Variants in GRID2IP observed in about 807,000 individuals in gnomAD.
GRID2IP encodes the protein Grid2 interacting protein, also known as delphilin.
GRID2IP carries 78 observed loss-of-function variants against 114.3 expected under a neutral mutation model. The ratio of observed to expected loss-of-function variants is 0.68; its 90% CI spans 0.57 to 0.82. GRID2IP has a LOEUF of 0.82. GRID2IP is among the 40% of genes least tolerant of loss of function. GRID2IP has a pLI of 0.00. For missense variants in GRID2IP, 1,727 were observed against 1,678.5 expected, an observed-to-expected ratio of 1.03 and a Z score of -0.51; for synonymous variants, 809 against 724.0, an observed-to-expected ratio of 1.12 and a Z score of -1.89.
Position 6,502,889 on chromosome 7 carries a change from G to A in GRID2IP, c.3064-17C>T. On this transcript the variant is annotated splice_polypyrimidine_tract_variant and intron_variant, in intron 17 of 21. Coordinates refer to ENST00000457091, the MANE Select transcript of GRID2IP (RefSeq NM_001145118.2). ...CAACACAAACTGTGGACAAGAAGGT[G>A]GGTAGGTCCTGTCCTCACCCCACCA... 1 of 1,548,252 alleles carries A rather than the reference G, an allele frequency of 6.5e-7. No individual in the cohort carries two copies. Among genetic ancestry groups the A allele is most frequent in the African/African-American group, 1.4e-5 (1 of 73,072 alleles).
chr7:6,503,941 G>T (rs1562511405), intron 15 of GRID2IP, among the ~76,000 whole-genome samples: 2 of 151,806 alleles, frequency 1.3e-5, no homozygotes, highest in Non-Finnish European at 2.9e-5. Context: ...AGGAAAGGGG[G>T]CGGGGCCGCT....
Position 6,534,050 on chromosome 7 carries a change from C to T in GRID2IP, c.584+5668G>A, listed in dbSNP as rs1779682228. Among the ~76,000 whole-genome samples, 1 of 152,130 alleles carries T rather than the reference C, an allele frequency of 6.6e-6. No homozygotes were observed. The highest frequency in any genetic ancestry group is 2.1e-4 in the South Asian group (1 of 4,828). The stretch of plus-strand genomic sequence containing the variant: ...TCACAGGCCACCCTTAGATTCTCAA[C>T]TCACCTTTCCTGCTTTCAGTTGGCC... On this transcript the variant is annotated intron_variant, in intron 2 of 21. Coordinates refer to ENST00000457091, the MANE Select transcript of GRID2IP (RefSeq NM_001145118.2). The surrounding 1 kb of genome is among the most constrained non-coding windows in gnomAD (Gnocchi z 4.5).
At chr7:6,524,951 C>G (rs1779480853) in intron 4 of GRID2IP, among the ~76,000 whole-genome samples, 1 of 151,684 alleles carries the variant, frequency 6.6e-6, no homozygotes, top group African/African-American at 2.4e-5. Context: ...ATCTCCTGAC[C>G]TCGTGATCCA....
rs192102312 is a variant in GRID2IP, at chr7:6,525,311, A to G, written c.919+913T>C. 3.9e-5 allele frequency among the ~76,000 whole-genome samples: 6 copies of G among 152,090 alleles called. No individual in the cohort carries two copies. In the East Asian group the frequency reaches 9.8e-4, roughly 25 times the overall value. ...AACAAGAGCAAAACTCTGTCTCAAA[A>G]AATTAAATTAAATAAAATTTTAAAA... On this transcript the variant is annotated intron_variant, in intron 4 of 21. Transcript: ENST00000457091.
At position 6,536,316 on chromosome 7, in the gene GRID2IP, A is replaced by G. The variant is rs771302456; in HGVS notation, c.584+3402T>C. On this transcript the variant is annotated intron_variant, in intron 2 of 21. Coordinates refer to ENST00000457091, the MANE Select transcript of GRID2IP (RefSeq NM_001145118.2). The surrounding 1 kb of genome is among the most constrained non-coding windows in gnomAD (Gnocchi z 5.3). The stretch of plus-strand genomic sequence containing the variant: ...GGCGCACTTGACACGCGCTTACAGC[A>G]GAGGCTGCCGTTTCAAGCTGCGGGG... 6.6e-6 allele frequency among the ~76,000 whole-genome samples: 1 copy of G among 152,218 alleles called. No homozygotes were observed. The highest frequency in any genetic ancestry group is 2.4e-5 in the African/African-American group (1 of 41,474).
chr7:6,504,386 G>T (rs2115355624), intron 15 of GRID2IP, among the ~76,000 whole-genome samples: 1 of 151,636 alleles, frequency 6.6e-6, no homozygotes, highest in East Asian at 2.0e-4. Context: ...GCCTGCGAGG[G>T]GTGCCGTAGG....
Position 6,498,173 on chromosome 7 carries a change from TC to T in GRID2IP, c.3454del (p.Glu1152ArgfsTer33). ...CGCCTTGCCCAGCTCCTCCATGGCC[TC>T]GCGCTGCAGCCCGTCGAGCGCCCGA... ...ALRALDGLQR[E>X]AMEELGKALA... is the part of the protein sequence containing the mutation. On this transcript the variant is annotated frameshift_variant, in exon 21 of 22. Coordinates refer to ENST00000457091, the MANE Select transcript of GRID2IP (RefSeq NM_001145118.2). LOFTEE classifies it high-confidence loss of function. 1 of 1,551,286 alleles carries T rather than the reference TC, an allele frequency of 6.4e-7. No homozygotes were observed. Among genetic ancestry groups the T allele is most frequent in the South Asian group, 1.2e-5 (1 of 84,046 alleles).
intron 10 of GRID2IP, 45 bp downstream of exon 10, chr7:6,510,563 TC>T: frequency 6.9e-7 from 1 of 1,440,460 alleles, no homozygotes; most frequent in African/African-American, 1.5e-5. Context: ...GACCGTCCAT[TC>T]CCTGCCCCCT....
At chr7:6,498,683 C>G (rs979506228) in intron 20 of GRID2IP, among the ~76,000 whole-genome samples, 2 of 149,312 alleles carry the variant, frequency 1.3e-5, no homozygotes, top group Non-Finnish European at 3.0e-5. Flanking sequence ...ACCTCCCAGG[C>G]TCAAGTGATC....
Position 6,551,110 on chromosome 7 carries a change from G to T in GRID2IP, c.327C>A (p.Arg109=). ...TTVLRAPRCG[R]GLALGRELLR... ...GCAGCTCACGGCCCAGAGCTAGGCC[G>T]CGGCCGCACCGCGGGGCCCGCAAGA... Residue 109 remains arginine (R), a synonymous_variant, in exon 1 of 22, where the codon CGC becomes CGA. Transcript: ENST00000457091. 1 of 1,297,080 alleles carries T rather than the reference G, an allele frequency of 7.7e-7. No individual in the cohort carries two copies. Among genetic ancestry groups the T allele is most frequent in the African/African-American group, 1.6e-5 (1 of 64,432 alleles). 80.3% of individuals were successfully genotyped at this position (1,297,080 alleles called of 1,614,324 possible).
chr7:6,509,162 T>C lies in GRID2IP; in HGVS notation c.1923A>G (p.Pro641=). Residue 641 remains proline, a synonymous_variant, in exon 12 of 22, where the codon CCA becomes CCG. Transcript: ENST00000457091. This position sits in a 1 kb window ranked among gnomAD's most constrained non-coding sequence, Gnocchi z 4.9. Reference sequence around the variant, plus strand: ...GGCAGATGGGCCCGGGGCCTGGCTGTGGGGAGGGTGCCCTGCTGCTGTCCA... The same window carrying C: ...GGCAGATGGGCCCGGGGCCTGGCTGCGGGGAGGGTGCCCTGCTGCTGTCCA... ...ASLDSSRAPS[P]QPGPGPICPD... 6.8e-7 allele frequency: 1 copy of C among 1,463,948 alleles called. No homozygotes were observed. Among genetic ancestry groups the C allele is most frequent in the Non-Finnish European group, 9.0e-7 (1 of 1,106,656 alleles). 90.7% of individuals were successfully genotyped at this position (1,463,948 alleles called of 1,614,324 possible).
At position 6,536,608 on chromosome 7, in the gene GRID2IP, G is replaced by C. The variant is rs933510623; in HGVS notation, c.584+3110C>G. Among the ~76,000 whole-genome samples, 1 of 151,940 alleles carries C rather than the reference G, an allele frequency of 6.6e-6. No individual in the cohort carries two copies. Among genetic ancestry groups the C allele is most frequent in the Non-Finnish European group, 1.5e-5 (1 of 67,936 alleles). ...GCCGAGCCCGGCTGCCAGCAGCCGG[G>C]AGACGAGCGAGCCAACTTCCTGGGG... On this transcript the variant is annotated intron_variant, in intron 2 of 21. Coordinates refer to ENST00000457091, the MANE Select transcript of GRID2IP (RefSeq NM_001145118.2). This position sits in a 1 kb window ranked among gnomAD's most constrained non-coding sequence, Gnocchi z 5.3.
Position 6,497,673 on chromosome 7 carries a change from A to G in GRID2IP, c.*101T>C. 1.2e-6 allele frequency: 1 copy of G among 847,422 alleles called. No homozygotes were observed. Among genetic ancestry groups the G allele is most frequent in the East Asian group, 2.8e-5 (1 of 36,090 alleles). 52.5% of individuals were successfully genotyped at this position (847,422 alleles called of 1,614,324 possible). ...TGCAGGAGAGGCTGGCGGTGTGCTC[A>G]GAGCCCGGGGCACAGTGGCCCCGGA... On this transcript the variant is annotated 3_prime_UTR_variant, in exon 22 of 22. Transcript: ENST00000457091.
intron 8 of GRID2IP, 110 bp from the exon 9 acceptor site, chr7:6,511,149 A>C (rs1287326456): frequency 1.6e-6 from 2 of 1,252,550 alleles, no homozygotes; most frequent in Non-Finnish European, 2.0e-6. Context: ...TGCAGACCCC[A>C]AGCTACGGGG....
intron 8 of GRID2IP, among the ~76,000 whole-genome samples, chr7:6,513,986 G>A (rs1414745914): frequency 2.0e-5 from 3 of 150,738 alleles, no homozygotes; most frequent in Non-Finnish European, 4.4e-5. Flanking sequence ...GGGCGTGGTG[G>A]CTCACACCTG....
chr7:6,505,888 T>C lies in GRID2IP; in HGVS notation c.2564A>G (p.Tyr855Cys). 1 of 1,551,884 alleles carries C rather than the reference T, an allele frequency of 6.4e-7. No individual in the cohort carries two copies. The highest frequency in any genetic ancestry group is 8.7e-7 in the Non-Finnish European group (1 of 1,146,892). Reference protein sequence around the residue: ...IWGQLGEDSDYDKLSDMVKYL... With the variant: ...IWGQLGEDSDCDKLSDMVKYL... ...TTTCACCATGTCACTCAGCTTATCG[T>C]AGTCAGAGTCTTCCCCGAGCTGCGA... Residue 855 changes from tyrosine (Y) to cysteine (C), a missense_variant, in exon 14 of 22, where the codon TAC becomes TGC. By Grantham distance (194) the Tyr-to-Cys change is radical. Transcript: ENST00000457091.
chr7:6,499,723 G>C (rs993826862), intron 20 of GRID2IP, among the ~76,000 whole-genome samples: 1 of 147,154 alleles, frequency 6.8e-6, no homozygotes, highest in Non-Finnish European at 1.5e-5. Context: ...GAGCCACAGC[G>C]CCTGGACTGC....
At position 6,536,325 on chromosome 7, in the gene GRID2IP, C is replaced by G. The variant is rs952354605; in HGVS notation, c.584+3393G>C. On this transcript the variant is annotated intron_variant, in intron 2 of 21. Coordinates refer to ENST00000457091, the MANE Select transcript of GRID2IP (RefSeq NM_001145118.2). The surrounding 1 kb of genome is among the most constrained non-coding windows in gnomAD (Gnocchi z 5.3). ...GACACGCGCTTACAGCAGAGGCTGC[C>G]GTTTCAAGCTGCGGGGACTGGGCAT... Among the ~76,000 whole-genome samples, 3 of 152,230 alleles carry G rather than the reference C, an allele frequency of 2.0e-5. No individual in the cohort carries two copies. The highest frequency in any genetic ancestry group is 7.2e-5 in the African/African-American group (3 of 41,476).
In GRID2IP at chr7:6,526,114, T is replaced by A. The variant is rs1199298909; in HGVS notation, c.919+110A>T. 1.3e-5 allele frequency: 10 copies of A among 795,638 alleles called. No homozygotes were observed. Among genetic ancestry groups the A allele is most frequent in the Non-Finnish European group, 1.9e-5 (9 of 470,614 alleles). The allele number at this position is 795,638 out of a possible 1,614,324, so 49.3% of individuals were successfully genotyped here. A position where few individuals can be genotyped will look rare whatever the true frequency, so the allele number is the denominator to read the frequency against. On this transcript the variant is annotated intron_variant, in intron 4 of 21. Transcript: ENST00000457091. This position sits in a 1 kb window ranked among gnomAD's most constrained non-coding sequence, Gnocchi z 7.6. The stretch of plus-strand genomic sequence containing the variant: ...AAGGATGGTACCTGACGTGGAGGGG[T>A]TGCTGAGCAGGAGCCTACATGGGGT...
Sources: allele counts gnomAD v4.1 joint callset (sites outside exome capture counted in the v4.1 genomes callset), GRCh38; gene constraint gnomAD v4.1.1; non-coding constraint Gnocchi (gnomAD v3.1); transcripts MANE v1.5; gene names NCBI Gene and HGNC (gene_info 2026-07-23, HGNC 2026-07-21).